Variants in RAPGEF6 observed in about 807,000 individuals in gnomAD.
RAPGEF6 encodes the protein Rap guanine nucleotide exchange factor 6, also known as PDZ domain containing guanine nucleotide exchange factor (GEF) 2.
RAPGEF6 carries 56 observed loss-of-function variants against 171.4 expected under a neutral mutation model. That is an observed-to-expected ratio of 0.33 (90% CI 0.26 to 0.41). The LOEUF is 0.41. Ranked by LOEUF, RAPGEF6 falls within the 10% of genes least tolerant of loss-of-function variation. RAPGEF6 has a pLI of 1.00. For synonymous variants in RAPGEF6, 692 were observed against 650.1 expected, an observed-to-expected ratio of 1.06 and a Z score of -0.98; for missense variants, 1,674 against 1,921.4, an observed-to-expected ratio of 0.87 and a Z score of 2.41.
chr5:131,431,225 A>T lies in RAPGEF6; in HGVS notation c.4099T>A (p.Ser1367Thr), dbSNP rs1193271073. The change falls in exon 26 of 28, where the codon TCG becomes ACG. Residue 1367 changes from serine (S) to threonine (T), a missense_variant. Transcript: ENST00000509018. ...AADSGRGSWT[S>T]CSSSSHDNFQ... ...TTGTCATGGGAGCTGCTTGAACACG[A>T]AGTCCAACTTCCACGACCACTGTCA... is the stretch of plus-strand genomic sequence containing the variant. 9 of 1,614,064 alleles carry T rather than the reference A, an allele frequency of 5.6e-6. No homozygotes were observed. The highest frequency in any genetic ancestry group is 7.6e-6 in the Non-Finnish European group (9 of 1,180,040).
At chr5:131,482,041 C>A (rs1755522588) in intron 15 of RAPGEF6, among the ~76,000 whole-genome samples, 1 of 152,132 alleles carries the variant, frequency 6.6e-6, no homozygotes, top group Non-Finnish European at 1.5e-5. Context: ...GATTAAAATA[C>A]TTACAACTTG....
chr5:131,478,147 C>CT (rs1755235471), intron 16 of RAPGEF6, among the ~76,000 whole-genome samples: 2 of 152,166 alleles, frequency 1.3e-5, no homozygotes, highest in Non-Finnish European at 2.9e-5. Context: ...TTTTAATCCT[C>CT]TGAGTTCCAA....
At chr5:131,478,291 GT>G (rs1176811014) in intron 16 of RAPGEF6, among the ~76,000 whole-genome samples, 1 of 152,112 alleles carries the variant, frequency 6.6e-6, no homozygotes, top group Non-Finnish European at 1.5e-5. Flanking sequence ...AAAGATGAGA[GT>G]TGACACAATT....
chr5:131,436,370 T>G, intron 24 of RAPGEF6: 1 of 1,537,352 alleles, frequency 6.5e-7, no homozygotes, highest in South Asian at 1.2e-5. Context: ...TGATCAGATA[T>G]GATACTGCCA....
intron 24 of RAPGEF6, among the ~76,000 whole-genome samples, chr5:131,439,196 C>G (rs1752220840): frequency 6.6e-6 from 1 of 152,194 alleles, no homozygotes; most frequent in South Asian, 2.1e-4. Context: ...GTATTATAAG[C>G]ATGAGCCACT....
Position 131,454,593 on chromosome 5 carries a change from A to C in RAPGEF6, c.3076+1208T>G, listed in dbSNP as rs190445601. Among the ~76,000 whole-genome samples the C allele has an allele frequency of 2.6e-4, 39 of 152,326 alleles. 1 individual carries two copies. The highest frequency in any genetic ancestry group is 2.5e-3 in the Admixed American group (38 of 15,302). On this transcript the variant is annotated intron_variant, in intron 20 of 27. Transcript: ENST00000509018. ...AAAAAGAAAAAGGAAGCTGTAAAAC[A>C]AACAAAAATAATAACTGGAATTAGG...
rs1751532734 is a variant in RAPGEF6, at chr5:131,428,957, C to G, written c.4725G>C (p.Leu1575Phe). Residue 1575 changes from leucine (L) to phenylalanine (F), a missense_variant, in exon 27 of 28, where the codon TTG becomes TTC. Coordinates refer to ENST00000509018, the MANE Select transcript of RAPGEF6 (RefSeq NM_016340.6). ...KIVTQPQRHN[L>F]QPFHPKLGDV... The stretch of plus-strand genomic sequence containing the variant: ...CTCCTAGTTTAGGATGGAATGGCTG[C>G]AAATTATGCCTCTGAGGCTGAGTTA... 3 of 1,614,192 alleles carry G rather than the reference C, an allele frequency of 1.9e-6. No individual in the cohort carries two copies. The highest frequency in any genetic ancestry group is 2.5e-6 in the Non-Finnish European group (3 of 1,180,040).
chr5:131,614,480 G>C (rs1765150441), intron 1 of RAPGEF6, among the ~76,000 whole-genome samples: 1 of 152,050 alleles, frequency 6.6e-6, no homozygotes, highest in Non-Finnish European at 1.5e-5. Context: ...GCAGGAGAGA[G>C]ACAGCAAAGT....
At chr5:131,596,733 A>C (rs546928920) in intron 3 of RAPGEF6, among the ~76,000 whole-genome samples, 84 of 152,356 alleles carry the variant, frequency 5.5e-4, no homozygotes, top group African/African-American at 1.9e-3. Context: ...ATATACAAAA[A>C]TCAACTCAAA....
chr5:131,456,140 A>T, intron 19 of RAPGEF6, 128 bp from the exon 20 acceptor site: 2 of 627,698 alleles, frequency 3.2e-6, no homozygotes, highest in Non-Finnish European at 2.7e-6. Context: ...ACATTGAAAT[A>T]AACAAGAGAA....
At chr5:131,436,686 A>G (rs1278319092) in intron 24 of RAPGEF6, among the ~76,000 whole-genome samples, 1 of 152,234 alleles carries the variant, frequency 6.6e-6, no homozygotes, top group Non-Finnish European at 1.5e-5. Flanking sequence ...ATAAGGAAAA[A>G]TATGACAAAA....
At position 131,453,164 on chromosome 5, in the gene RAPGEF6, T is replaced by C. The variant is rs1580846331; in HGVS notation, c.3090A>G (p.Lys1030=). 2.5e-6 allele frequency: 4 copies of C among 1,608,072 alleles called. No individual in the cohort carries two copies. In the East Asian group the frequency reaches 8.9e-5, roughly 36 times the overall value. ...MTFLHEGNDS[K]VDGLVNFEKL... is the part of the protein sequence containing the mutation. ...TCTCAAAGTTTACTAAACCATCTAC[T>C]TTGGAGTCATTTCCTATAGAATGAA... The change falls in exon 21 of 28, where the codon AAA becomes AAG. Residue 1030 remains lysine (K), a synonymous_variant. Coordinates refer to ENST00000509018, the MANE Select transcript of RAPGEF6 (RefSeq NM_016340.6).
At chr5:131,632,569 T>C (rs1031567937) in intron 1 of RAPGEF6, among the ~76,000 whole-genome samples, 2 of 152,240 alleles carry the variant, frequency 1.3e-5, no homozygotes, top group Non-Finnish European at 2.9e-5. Flanking sequence ...CCACTCTTCA[T>C]GCTATCAGAA....
chr5:131,535,404 A>AT (rs1439908755), intron 6 of RAPGEF6, among the ~76,000 whole-genome samples: 2 of 152,130 alleles, frequency 1.3e-5, no homozygotes, highest in African/African-American at 2.4e-5. Flanking sequence ...TGAATAACCT[A>AT]TTTTTCCCTT....
At chr5:131,434,047 C>T (rs1422892390) in intron 24 of RAPGEF6, among the ~76,000 whole-genome samples, 2 of 152,158 alleles carry the variant, frequency 1.3e-5, no homozygotes, top group Non-Finnish European at 2.9e-5. Context: ...ACCCAACGCT[C>T]CTTCCTTTGA....
chr5:131,573,441 C>T (rs774411784), intron 4 of RAPGEF6, among the ~76,000 whole-genome samples: 2 of 152,012 alleles, frequency 1.3e-5, no homozygotes, highest in South Asian at 4.2e-4. Context: ...TAACTCAGTC[C>T]TACAATCTAA....
In RAPGEF6 at chr5:131,504,797, G is replaced by A. The variant is rs768328730; in HGVS notation, c.1102-19C>T. 6 of 1,602,112 alleles carry A rather than the reference G, an allele frequency of 3.7e-6. No homozygotes were observed. Among genetic ancestry groups the A allele is most frequent in the African/African-American group, 1.3e-5 (1 of 74,382 alleles). On this transcript the variant is annotated intron_variant, in intron 10 of 27. Transcript: ENST00000509018. ...AGACAAACTGTCCAAGAACAACATG[G>A]GGACAGTTAATGAACCTATAGTACA...
chr5:131,464,181 A>G lies in RAPGEF6; in HGVS notation c.2340T>C (p.Ala780=), dbSNP rs1400205493. 3.1e-6 allele frequency: 5 copies of G among 1,613,910 alleles called. No homozygotes were observed. The highest frequency in any genetic ancestry group is 2.7e-5 in the African/African-American group (2 of 75,060). ...CACCGGTCAAACCAAATTCATGAAC[A>G]GCATGAAAAACTACTTCTTTAGCTG... is the stretch of plus-strand genomic sequence containing the variant. The part of the protein sequence containing the change: ...DTTAKEVVFH[A]VHEFGLTGAS... Residue 780 remains alanine (A), a synonymous_variant, in exon 18 of 28, where the codon GCT becomes GCC. Transcript: ENST00000509018.
chr5:131,627,732 T>G (rs1766026307), intron 1 of RAPGEF6, among the ~76,000 whole-genome samples: 1 of 152,190 alleles, frequency 6.6e-6, no homozygotes, highest in African/African-American at 2.4e-5. Context: ...TTCTTTTTTT[T>G]TAAATACAAA....
Sources: allele counts gnomAD v4.1 joint callset (sites outside exome capture counted in the v4.1 genomes callset), GRCh38; gene constraint gnomAD v4.1.1; transcripts MANE v1.5; gene names NCBI Gene and HGNC (gene_info 2026-07-23, HGNC 2026-07-21).